Variants in MSRA observed in about 807,000 individuals in gnomAD.
MSRA encodes mitochondrial peptide methionine sulfoxide reductase.
MSRA carries 54 observed loss-of-function variants against 31.3 expected under a neutral mutation model. The observed-to-expected ratio is 1.73, with a 90% CI of 1.39 to 2.17. The LOEUF is 2.17. Among genes scored for constraint, MSRA ranks in the 30% most tolerant of loss-of-function variants. The pLI is 0.00. For missense variants in MSRA, 507 were observed against 300.9 expected (o/e 1.69, Z -5.07); for synonymous variants, 169 against 116.5 (o/e 1.45, Z -2.90).
intron 3 of MSRA, among the ~76,000 whole-genome samples, chr8:10,288,666 C>G (rs1194387016): frequency 6.6e-6 from 1 of 152,168 alleles, no homozygotes; most frequent in African/African-American, 2.4e-5. Context: ...ATCTGAAGTT[C>G]TTAGTTCCAT....
chr8:10,415,109 A>T (rs1212505321), intron 5 of MSRA, among the ~76,000 whole-genome samples: 1 of 152,216 alleles, frequency 6.6e-6, no homozygotes, highest in East Asian at 1.9e-4. Flanking sequence ...AGCCAGAGCA[A>T]ATGGGTGGTT....
In MSRA at chr8:10,383,485, A is replaced by G. The variant is rs530060457; in HGVS notation, c.544-44663A>G. ...AGTTTCAATTTGGTTCCTGCGGCTTAAAAGGTTGCTGGAACACTTCAGCAA... is the reference window on the plus strand; with the variant it reads ...AGTTTCAATTTGGTTCCTGCGGCTTGAAAGGTTGCTGGAACACTTCAGCAA... On this transcript the variant is annotated intron_variant, in intron 5 of 5. Coordinates refer to ENST00000317173, the MANE Select transcript of MSRA (RefSeq NM_012331.5). 2.6e-5 allele frequency among the ~76,000 whole-genome samples: 4 copies of G among 152,306 alleles called. No homozygotes were observed. In the East Asian group the frequency reaches 7.7e-4, roughly 29 times the overall value.
At chr8:10,357,561 T>C (rs1236042526) in intron 5 of MSRA, among the ~76,000 whole-genome samples, 1 of 152,230 alleles carries the variant, frequency 6.6e-6, no homozygotes, top group African/African-American at 2.4e-5. Context: ...TGGGGTCCTT[T>C]TACCATGACT....
At chr8:10,187,324 A>G (rs1473211090) in intron 1 of MSRA, among the ~76,000 whole-genome samples, 1 of 152,104 alleles carries the variant, frequency 6.6e-6, no homozygotes, top group Non-Finnish European at 1.5e-5. Flanking sequence ...AAATTTTTGT[A>G]TTCCACTATT....
intron 1 of MSRA, among the ~76,000 whole-genome samples, chr8:10,055,952 A>C (rs1451803114): frequency 1.3e-5 from 2 of 152,264 alleles, no homozygotes; most frequent in African/African-American, 2.4e-5. Flanking sequence ...TTTTGATTCA[A>C]ATGCAGAGAT....
At chr8:10,095,475 G>A in intron 1 of MSRA, 2 of 985,434 alleles carry the variant, frequency 2.0e-6, no homozygotes, top group Non-Finnish European at 2.4e-6. Flanking sequence ...ATCTTTTGGA[G>A]ACAAGAATTC....
At chr8:10,328,833 G>A (rs948079881) in intron 5 of MSRA, among the ~76,000 whole-genome samples, 4 of 152,202 alleles carry the variant, frequency 2.6e-5, no homozygotes, top group African/African-American at 7.2e-5. Flanking sequence ...TCTTACTGTT[G>A]TGCAGTGAAC....
intron 1 of MSRA, among the ~76,000 whole-genome samples, chr8:10,102,381 T>G (rs568932940): frequency 2.0e-5 from 3 of 152,230 alleles, no homozygotes; most frequent in Non-Finnish European, 4.4e-5. Flanking sequence ...TACCTTCAGA[T>G]TCACCTATTC....
intron 1 of MSRA, among the ~76,000 whole-genome samples, chr8:10,170,737 A>G (rs1271103277): frequency 1.3e-5 from 2 of 152,116 alleles, no homozygotes; most frequent in African/African-American, 4.8e-5. Context: ...AGATTTTGCT[A>G]CCTATGGGGT....
chr8:10,054,599 C>T lies in MSRA; in HGVS notation c.83C>T (p.Ser28Leu), dbSNP rs748972988. 1.3e-6 allele frequency: 2 copies of T among 1,580,694 alleles called. No homozygotes were observed. Among genetic ancestry groups the T allele is most frequent in the Admixed American group, 1.8e-5 (1 of 56,438 alleles). ...FPVPRMGNSASNIVSPQEALP... is the reference protein window; with the variant it reads ...FPVPRMGNSALNIVSPQEALP... ...GTCCCGAGGATGGGCAACTCGGCCTCGAACATCGTCAGCCCCCAGGAGGCC... is the reference window on the plus strand; with the variant it reads ...GTCCCGAGGATGGGCAACTCGGCCTTGAACATCGTCAGCCCCCAGGAGGCC... The change falls in exon 1 of 6, where the codon TCG becomes TTG. Residue 28 changes from serine (S) to leucine (L), a missense_variant. Ser to Leu is a moderately radical substitution (Grantham distance 145, BLOSUM62 -2). Coordinates refer to ENST00000317173, the MANE Select transcript of MSRA (RefSeq NM_012331.5).
chr8:10,424,736 C>T (rs975609341), intron 5 of MSRA, among the ~76,000 whole-genome samples: 6 of 152,160 alleles, frequency 3.9e-5, no homozygotes, highest in Admixed American at 3.3e-4. Context: ...GGGAGAGGCC[C>T]CCTCCTGGGT....
rs1331832635 is a variant in MSRA, at chr8:10,132,367, C to T, written c.143-75466C>T. 2.0e-5 allele frequency among the ~76,000 whole-genome samples: 3 copies of T among 152,190 alleles called. No individual in the cohort carries two copies. In the East Asian group the frequency reaches 5.8e-4, roughly 29 times the overall value. On this transcript the variant is annotated intron_variant, in intron 1 of 5. Transcript: ENST00000317173. ...AGCGTGTTTGACTCTGCTTAGGGGA[C>T]CCCCATCACTAAGCCTGGGGTCTGG...
chr8:10,268,805 A>AC (rs1230859983), intron 3 of MSRA, among the ~76,000 whole-genome samples: 2 of 152,228 alleles, frequency 1.3e-5, no homozygotes, highest in African/African-American at 2.4e-5. Flanking sequence ...GGATCTCCAC[A>AC]CACCTGGAGG....
intron 3 of MSRA, among the ~76,000 whole-genome samples, chr8:10,281,646 A>G (rs1414069871): frequency 2.0e-5 from 3 of 152,184 alleles, no homozygotes; most frequent in African/African-American, 7.2e-5. Flanking sequence ...GATTTCCGGC[A>G]TGTGCTACAG....
intron 1 of MSRA, among the ~76,000 whole-genome samples, chr8:10,063,296 C>T (rs1215240062): frequency 6.6e-6 from 1 of 152,184 alleles, no homozygotes; most frequent in Non-Finnish European, 1.5e-5. Context: ...TCACTCTCCC[C>T]TGCCTGAGCT....
At chr8:10,256,993 G>A (rs1798219048) in intron 3 of MSRA, among the ~76,000 whole-genome samples, 1 of 152,122 alleles carries the variant, frequency 6.6e-6, no homozygotes, top group South Asian at 2.1e-4. Context: ...ATAGCTCAGT[G>A]AAAAATGTTA....
At chr8:10,261,061 C>G (rs1241798582) in intron 3 of MSRA, among the ~76,000 whole-genome samples, 1 of 152,086 alleles carries the variant, frequency 6.6e-6, no homozygotes, top group Non-Finnish European at 1.5e-5. Flanking sequence ...CATTTAAAAA[C>G]CAAATAGTAC....
intron 2 of MSRA, among the ~76,000 whole-genome samples, chr8:10,223,593 C>G (rs1284175146): frequency 6.6e-6 from 1 of 152,110 alleles, no homozygotes; most frequent in East Asian, 1.9e-4. Context: ...ATGGAATGAA[C>G]AGATCGTCAG....
chr8:10,104,937 C>T (rs575887068), intron 1 of MSRA, among the ~76,000 whole-genome samples: 3 of 152,292 alleles, frequency 2.0e-5, no homozygotes, highest in Admixed American at 2.0e-4. Flanking sequence ...ACTGTATCTT[C>T]ACCAACAGTT....
Sources: gnomAD v4.1 joint callset for allele counts (sites outside exome capture counted in the v4.1 genomes callset) on GRCh38, gnomAD v4.1.1 for gene constraint, MANE v1.5 for transcripts, NCBI Gene and HGNC (gene_info 2026-07-23, HGNC 2026-07-21) for gene names.